The following HFM1 variants were observed in gnomAD, a reference collection of about 807,000 sequenced individuals.
HFM1 encodes the protein helicase for meiosis 1, also known as probable ATP-dependent DNA helicase HFM1.
In HFM1, 169 loss-of-function variants were observed where a neutral mutation model predicts 192.1. The ratio of observed to expected loss-of-function variants is 0.88; its 90% confidence interval spans 0.78 to 1.00. The LOEUF is 1.00. Among genes scored for constraint, HFM1 ranks in the 50% least tolerant of loss-of-function variants. The probability of loss-of-function intolerance (pLI) is 0.00; values close to 1 mark genes in which losing one functional copy is unlikely to be tolerated. For synonymous variants in HFM1, 525 were observed against 537.8 expected (o/e 0.98, Z 0.33); for missense variants, 1,661 against 1,668.0 (o/e 1.00, Z 0.07).
intron 30 of HFM1, among the ~76,000 whole-genome samples, chr1:91,280,911 C>T (rs930203474): frequency 6.6e-6 from 1 of 152,178 alleles, no homozygotes; most frequent in East Asian, 1.9e-4. Flanking sequence ...TGAGGCAAGA[C>T]CACATAGCAG....
intron 25 of HFM1, among the ~76,000 whole-genome samples, chr1:91,317,308 G>A (rs1447885653): frequency 6.6e-6 from 1 of 152,150 alleles, no homozygotes; most frequent in Non-Finnish European, 1.5e-5. Flanking sequence ...CAGCTACTCA[G>A]GAGGCTGAGG....
intron 30 of HFM1, among the ~76,000 whole-genome samples, chr1:91,283,844 G>A (rs1380026003): frequency 2.0e-5 from 3 of 152,122 alleles, no homozygotes; most frequent in African/African-American, 4.8e-5. Context: ...AAGAATCTCT[G>A]TCACACTTAG....
intron 13 of HFM1, among the ~76,000 whole-genome samples, chr1:91,363,063 C>G (rs1376501346): frequency 1.3e-5 from 2 of 152,072 alleles, no homozygotes; most frequent in East Asian, 3.9e-4. Context: ...AAACCGAAAA[C>G]TATAAAAACC....
rs1040072280 is a variant in HFM1 at position 91,388,092 on chromosome 1, C to A, written c.495-2258G>T. Reference sequence around the variant, plus strand: ...TCAGAGAAGTTATGGGAACTCTGCACCCCCTCCCTCATATTTTGCCATATG... The same window carrying A: ...TCAGAGAAGTTATGGGAACTCTGCAACCCCTCCCTCATATTTTGCCATATG... On this transcript the variant is annotated intron_variant, in intron 4 of 38. Coordinates refer to ENST00000370425, the MANE Select transcript of HFM1 (RefSeq NM_001017975.6). Among the ~76,000 whole-genome samples, 4 of 152,030 alleles carry A rather than the reference C, an allele frequency of 2.6e-5. No individual in the cohort carries two copies. The East Asian group carries it at 7.7e-4, about 29-fold the overall frequency.
intron 30 of HFM1, among the ~76,000 whole-genome samples, chr1:91,298,038 G>A (rs1557805597): frequency 6.6e-6 from 1 of 151,776 alleles, no homozygotes. Context: ...TAAAAACCTT[G>A]AAAAAAAATT....
intron 4 of HFM1, among the ~76,000 whole-genome samples, chr1:91,390,305 G>A (rs374987127): frequency 2.4e-4 from 36 of 152,030 alleles, no homozygotes; most frequent in African/African-American, 5.8e-4. Flanking sequence ...GTGTGGTGGC[G>A]CACGCCTGTA....
chr1:91,345,016 G>A (rs1655940350), intron 19 of HFM1, among the ~76,000 whole-genome samples: 1 of 151,834 alleles, frequency 6.6e-6, no homozygotes, highest in Non-Finnish European at 1.5e-5. Flanking sequence ...GAATCCCAAA[G>A]GTATTACAGG....
chr1:91,370,206 T>G (rs900444983), intron 13 of HFM1, among the ~76,000 whole-genome samples: 1 of 152,026 alleles, frequency 6.6e-6, no homozygotes, highest in African/African-American at 2.4e-5. Flanking sequence ...TTCCAATCAA[T>G]AGAAAAAGAG....
At chr1:91,387,435 G>C (rs909583811) in intron 4 of HFM1, among the ~76,000 whole-genome samples, 1 of 150,516 alleles carries the variant, frequency 6.6e-6, no homozygotes, top group African/African-American at 2.4e-5. Context: ...CCGCTTTCAC[G>C]GTCTGTATTC....
chr1:91,286,441 A>G (rs888293530), intron 30 of HFM1, among the ~76,000 whole-genome samples: 20 of 152,156 alleles, frequency 1.3e-4, no homozygotes. Flanking sequence ...TTGTGGGAGC[A>G]TAACTATAAT....
chr1:91,378,005 C>G lies in HFM1; in HGVS notation c.1395+20G>C, dbSNP rs1281084245. On this transcript the variant is annotated intron_variant, in intron 11 of 38. Coordinates refer to ENST00000370425, the MANE Select transcript of HFM1 (RefSeq NM_001017975.6). Reference sequence around the variant, plus strand: ...ACAAGTCATAAAAAACCTAAGAGCTCAGTTAAAATTGTAACTCACATCCTC... The same window carrying G: ...ACAAGTCATAAAAAACCTAAGAGCTGAGTTAAAATTGTAACTCACATCCTC... The G allele has an allele frequency of 6.2e-7, 1 of 1,602,542 alleles. No individual in the cohort carries two copies. Among genetic ancestry groups the G allele is most frequent in the Non-Finnish European group, 8.5e-7 (1 of 1,172,644 alleles).
chr1:91,400,162 A>G (rs1246822643), intron 2 of HFM1, among the ~76,000 whole-genome samples: 1 of 147,452 alleles, frequency 6.8e-6, no homozygotes, highest in Admixed American at 6.7e-5. Context: ...AGGATAATAC[A>G]ATACACTAAA....
chr1:91,404,727 TCCCCACTTCCCCGCGGGCGTCGGGC>T (rs1557547564), intron 1 of HFM1, 46 bp downstream of exon 1: 1 of 426,670 alleles, frequency 2.3e-6, no homozygotes, highest in Non-Finnish European at 4.7e-6. Context: ...CTCGGCTGGG[TCCCCACTTCCCCGCGGGCGTCGGGC>T]CCCCGTCCCC....
chr1:91,263,024 T>G (rs1212257600), intron 36 of HFM1, among the ~76,000 whole-genome samples: 1 of 152,180 alleles, frequency 6.6e-6, no homozygotes, highest in African/African-American at 2.4e-5. Context: ...CCTTCTGTAT[T>G]AACTCATTCA....
intron 20 of HFM1, among the ~76,000 whole-genome samples, chr1:91,342,880 A>T (rs1655555571): frequency 6.6e-6 from 1 of 152,206 alleles, no homozygotes; most frequent in Admixed American, 6.5e-5. Context: ...CAACCCAAAG[A>T]TTCAAGCATT....
intron 15 of HFM1, 88 bp from the exon 16 acceptor site, chr1:91,352,739 T>C: frequency 3.1e-6 from 3 of 973,120 alleles, no homozygotes; most frequent in Non-Finnish European, 4.4e-6. Context: ...CTTATAAATG[T>C]AATAAAAACT....
chr1:91,380,181 GT>G lies in HFM1; in HGVS notation c.928del (p.Thr310LeufsTer2). ...TGTTATAGCTAGTTCAAACACTACAGTTTTTCCAGAACCAGTTGGAGCACAA... is the reference window on the plus strand; with the variant it reads ...TGTTATAGCTAGTTCAAACACTACAGTTTTCCAGAACCAGTTGGAGCACAA... ...VICAPTGSGK[T>X]VVFELAITRL... On this transcript the variant is annotated frameshift_variant, in exon 8 of 39. Coordinates refer to ENST00000370425, the MANE Select transcript of HFM1 (RefSeq NM_001017975.6). LOFTEE classifies it high-confidence loss of function. The G allele has an allele frequency of 6.4e-7, 1 of 1,569,788 alleles. No homozygotes were observed. The highest frequency in any genetic ancestry group is 8.7e-7 in the Non-Finnish European group (1 of 1,148,850).
chr1:91,305,744 T>C (rs898330374), intron 30 of HFM1, among the ~76,000 whole-genome samples: 5 of 152,016 alleles, frequency 3.3e-5, no homozygotes, highest in Non-Finnish European at 1.5e-5. Context: ...CTTTTTTCTA[T>C]TTTTGTAAAG....
At chr1:91,308,786 G>C (rs1376087794) in intron 30 of HFM1, among the ~76,000 whole-genome samples, 1 of 152,118 alleles carries the variant, frequency 6.6e-6, no homozygotes, top group Non-Finnish European at 1.5e-5. Flanking sequence ...GACAGACACT[G>C]TGTCTGTGGT....
Sources: gnomAD v4.1 joint callset for allele counts (sites outside exome capture counted in the v4.1 genomes callset) on GRCh38, gnomAD v4.1.1 for gene constraint, MANE v1.5 for transcripts, NCBI Gene and HGNC (gene_info 2026-07-23, HGNC 2026-07-21) for gene names.